The following GSE1 variants were observed in gnomAD, a reference collection of about 807,000 sequenced individuals.
GSE1 encodes genetic suppressor element 1.
GSE1 carries 32 observed loss-of-function variants against 112.6 expected under a neutral mutation model. The ratio of observed to expected loss-of-function variants is 0.28; its 90% CI spans 0.21 to 0.38. The LOEUF (loss-of-function observed/expected upper bound fraction) is 0.38. GSE1 is among the 10% of genes least tolerant of loss of function. The pLI is 1.00. For missense variants in GSE1, 2,348 were observed against 1,699.2 expected (o/e 1.38, Z -6.71); for synonymous variants, 1,115 against 735.6 (o/e 1.52, Z -8.35).
exon 1 of GSE1, chr16:85,171,656 C>T (rs935602414): frequency 2.2e-5 from 22 of 985,432 alleles, no homozygotes; most frequent in Non-Finnish European, 2.5e-5. Context: ...TTCCTATACA[C>T]CCTGCGAGCA....
chr16:85,363,844 A>G lies in GSE1; in HGVS notation c.2464+6201A>G, dbSNP rs77358916. On this transcript the variant is annotated intron_variant, in intron 2 of 2. Transcript: ENST00000637419. Reference sequence around the variant, plus strand: ...GGGTGGGAGCTGCTGCAGAAGACACAGCATGCCCTCCGTCTCTACTCTGGG... The same window carrying G: ...GGGTGGGAGCTGCTGCAGAAGACACGGCATGCCCTCCGTCTCTACTCTGGG... 9.0e-3 allele frequency among the ~76,000 whole-genome samples: 1,373 copies of G among 152,210 alleles called. 34 individuals are homozygous for G. Among genetic ancestry groups the G allele is most frequent in the African/African-American group, 0.031 (1,307 of 41,514 alleles).
At chr16:85,262,447 A>AG (rs1487391625) in intron 1 of GSE1, among the ~76,000 whole-genome samples, 12 of 152,210 alleles carry the variant, frequency 7.9e-5, no homozygotes, top group African/African-American at 2.7e-4. Flanking sequence ...CTCAGATGGC[A>AG]GGCATCATCG....
chr16:85,294,720 A>T (rs1456490289), intron 1 of GSE1, among the ~76,000 whole-genome samples: 1 of 115,494 alleles, frequency 8.7e-6, no homozygotes, highest in Non-Finnish European at 1.7e-5. Context: ...TAGTCTCTCC[A>T]TGATCTCTCC....
intron 1 of GSE1, among the ~76,000 whole-genome samples, chr16:85,276,062 T>C (rs1597260458): frequency 6.6e-6 from 1 of 152,252 alleles, no homozygotes; most frequent in Non-Finnish European, 1.5e-5. Context: ...ACAGAAAAGA[T>C]GGTCCTGGTA....
At chr16:85,224,115 C>T (rs2075440104) in intron 1 of GSE1, among the ~76,000 whole-genome samples, 1 of 151,754 alleles carries the variant, frequency 6.6e-6, no homozygotes, top group South Asian at 2.1e-4. Flanking sequence ...CATCTCAAAG[C>T]CCCAGGAGAA....
At chr16:85,574,437 T>C (rs2046135947) in intron 1 of GSE1, among the ~76,000 whole-genome samples, 1 of 152,196 alleles carries the variant, frequency 6.6e-6, no homozygotes, top group Non-Finnish European at 1.5e-5. Flanking sequence ...ACCTGTCTGC[T>C]ATCCCATCAA....
chr16:85,255,312 C>G lies in GSE1; in HGVS notation c.2283+83505C>G, dbSNP rs538943931. On this transcript the variant is annotated intron_variant, in intron 1 of 2. Transcript: ENST00000637419. ...CTGAAAGCCCAGCTGCCGGCCCAGC[C>G]TGACCCGCTGCCTTCTGGCTGTGTG... Among the ~76,000 whole-genome samples, 491 of 152,328 alleles carry G rather than the reference C, an allele frequency of 3.2e-3. 3 individuals carry two copies. The highest frequency in any genetic ancestry group is 0.011 in the African/African-American group (458 of 41,584).
At chr16:85,502,549 G>T (rs1483256351) in intron 2 of GSE1, among the ~76,000 whole-genome samples, 4 of 152,238 alleles carry the variant, frequency 2.6e-5, no homozygotes, top group African/African-American at 9.6e-5. Context: ...CGCTGGGCCA[G>T]GCCTGAGCCA....
intron 2 of GSE1, among the ~76,000 whole-genome samples, chr16:85,497,767 C>T (rs2051228617): frequency 6.6e-6 from 1 of 152,176 alleles, no homozygotes; most frequent in Non-Finnish European, 1.5e-5. Context: ...AGGTCTGGGA[C>T]TGGGGAACCC....
chr16:85,606,966 CT>C (rs1217800625), upstream of GSE1, among the ~76,000 whole-genome samples: 1 of 149,444 alleles, frequency 6.7e-6, no homozygotes, highest in Non-Finnish European at 1.5e-5. Context: ...GCAAATATTT[CT>C]TTTATAGATG....
chr16:85,516,457 C>CA (rs71151299), intron 2 of GSE1, among the ~76,000 whole-genome samples: 27,279 of 69,616 alleles, frequency 0.39, 4,285 homozygotes, highest in East Asian at 0.6. Flanking sequence ...CCCATCTCTA[C>CA]AAAAAAAAAA....
intron 1 of GSE1, among the ~76,000 whole-genome samples, chr16:85,217,255 G>A (rs554017821): frequency 1.3e-4 from 20 of 152,356 alleles, no homozygotes; most frequent in African/African-American, 4.1e-4. Context: ...AAAAGGGTGG[G>A]AGGCAGGAGG....
intron 1 of GSE1, among the ~76,000 whole-genome samples, chr16:85,597,373 C>CAAAAAAAAA (rs1165062872): frequency 1.9e-4 from 6 of 31,842 alleles, no homozygotes; most frequent in African/African-American, 3.2e-4. Context: ...GACTCTGTCT[C>CAAAAAAAAA]AAAAAAAAAA....
At chr16:85,216,544 A>T (rs1016984296) in intron 1 of GSE1, among the ~76,000 whole-genome samples, 1 of 152,248 alleles carries the variant, frequency 6.6e-6, no homozygotes, top group African/African-American at 2.4e-5. Context: ...TTAGCTTACC[A>T]CACGTGTCAG....
intron 1 of GSE1, among the ~76,000 whole-genome samples, chr16:85,203,703 C>G (rs1457093695): frequency 3.9e-5 from 6 of 152,158 alleles, no homozygotes; most frequent in African/African-American, 1.2e-4. Context: ...GTGTACAGTT[C>G]ACAGAGTTGT....
At chr16:85,437,869 A>G (rs1178947610) in intron 2 of GSE1, among the ~76,000 whole-genome samples, 3 of 152,174 alleles carry the variant, frequency 2.0e-5, no homozygotes, top group African/African-American at 7.2e-5. Flanking sequence ...GTGTGGTGTC[A>G]GGCATGTTGC....
At chr16:85,379,623 C>T (rs947066865) in intron 2 of GSE1, among the ~76,000 whole-genome samples, 1 of 152,182 alleles carries the variant, frequency 6.6e-6, no homozygotes, top group Non-Finnish European at 1.5e-5. Context: ...TCCTGGGGTA[C>T]GTTTTCCTGT....
At chr16:85,215,190 A>T (rs2075288375) in intron 1 of GSE1, among the ~76,000 whole-genome samples, 1 of 152,228 alleles carries the variant, frequency 6.6e-6, no homozygotes, top group Non-Finnish European at 1.5e-5. Context: ...CTCAGCTCTG[A>T]AACCCTGTGA....
chr16:85,533,581 T>C (rs1024013671), intron 2 of GSE1, among the ~76,000 whole-genome samples: 1 of 152,056 alleles, frequency 6.6e-6, no homozygotes, highest in African/African-American at 2.4e-5. Context: ...TCAATGTTAT[T>C]GGCCAGGCAT....
Sources: allele counts gnomAD v4.1 joint callset (sites outside exome capture counted in the v4.1 genomes callset), GRCh38; gene constraint gnomAD v4.1.1; transcripts MANE v1.5; gene names NCBI Gene and HGNC (gene_info 2026-07-23, HGNC 2026-07-21).